Variants in PEDS1 observed in about 807,000 individuals in gnomAD.
PEDS1 encodes plasmanylethanolamine desaturase 1.
A neutral mutation model predicts 35.2 loss-of-function variants in PEDS1; 14 were observed. The observed-to-expected ratio is 0.40, with a 90% CI of 0.26 to 0.62. PEDS1 has a LOEUF of 0.62. PEDS1 is among the 20% of genes least tolerant of loss of function. PEDS1 has a pLI of 0.44. For synonymous variants in PEDS1, 152 were observed against 152.0 expected (o/e 1.00, Z 0.00); for missense variants, 260 against 367.8 (o/e 0.71, Z 2.40).
At chr20:50,144,188 C>G (rs747651567) in intron 1 of PEDS1, among the ~76,000 whole-genome samples, 1 of 152,228 alleles carries the variant, frequency 6.6e-6, no homozygotes, top group Admixed American at 6.5e-5. Context: ...CTCTGACAGA[C>G]CAATTCTTTG....
At chr20:50,151,533 G>A (rs1427016520) in intron 1 of PEDS1, among the ~76,000 whole-genome samples, 4 of 152,112 alleles carry the variant, frequency 2.6e-5, no homozygotes, top group Non-Finnish European at 5.9e-5. Context: ...GAGGTGAGGC[G>A]GATCCCCCAC....
intron 1 of PEDS1, 45 bp downstream of exon 1, chr20:50,153,472 C>T (rs2081426810): frequency 4.6e-6 from 6 of 1,290,978 alleles, no homozygotes; most frequent in African/African-American, 1.5e-5. Context: ...TGTCCGCAGC[C>T]GGGGCTGGTG....
chr20:50,153,683 CGGCAGGGCCGCGG>C lies in PEDS1; in HGVS notation c.-59_-47del. ...CGGTGCGCTCTGCTGGCGGCGGCGGCGGCAGGGCCGCGGAACCGCGGCGAGATCACGCCGCCCA... is the reference window on the plus strand; with the variant it reads ...CGGTGCGCTCTGCTGGCGGCGGCGGCAACCGCGGCGAGATCACGCCGCCCA... On this transcript the variant is annotated 5_prime_UTR_variant, in exon 1 of 6. Coordinates refer to ENST00000371652, the MANE Select transcript of PEDS1 (RefSeq NM_199129.4). 4 of 1,201,802 alleles carry C rather than the reference CGGCAGGGCCGCGG, an allele frequency of 3.3e-6. No individual in the cohort carries two copies. Among genetic ancestry groups the C allele is most frequent in the Non-Finnish European group, 4.1e-6 (4 of 969,000 alleles). The allele number at this position is 1,201,802 out of a possible 1,614,324, so 74.4% of individuals were successfully genotyped here. A position where few individuals can be genotyped will look rare whatever the true frequency, so the allele number is the denominator to read the frequency against.
At chr20:50,149,899 G>A (rs189052620) in intron 1 of PEDS1, among the ~76,000 whole-genome samples, 4 of 152,246 alleles carry the variant, frequency 2.6e-5, no homozygotes, top group Non-Finnish European at 1.5e-5. Flanking sequence ...CCGGTGCCCC[G>A]CCGTATGACC....
intron 2 of PEDS1, among the ~76,000 whole-genome samples, chr20:50,135,614 C>T (rs951323871): frequency 2.2e-4 from 31 of 143,394 alleles, no homozygotes; most frequent in African/African-American, 6.1e-4. Flanking sequence ...GCTGAGATCA[C>T]GCCATTGCAC....
chr20:50,151,236 G>A (rs2081399468), intron 1 of PEDS1: 3 of 1,304,112 alleles, frequency 2.3e-6, no homozygotes, highest in East Asian at 5.5e-5. Flanking sequence ...GAGATAAAGG[G>A]CCTTGATTGC....
intron 5 of PEDS1, among the ~76,000 whole-genome samples, chr20:50,126,624 G>T (rs1421245796): frequency 2.0e-5 from 3 of 152,200 alleles, no homozygotes; most frequent in Non-Finnish European, 4.4e-5. Context: ...AAGGAGAAAA[G>T]CGGTCCCCAG....
intron 5 of PEDS1, among the ~76,000 whole-genome samples, chr20:50,126,131 G>A (rs558859918): frequency 4.4e-4 from 67 of 152,194 alleles, no homozygotes; most frequent in African/African-American, 1.6e-3. Context: ...CAACTGGAAC[G>A]TTATCCCCAA....
intron 1 of PEDS1, among the ~76,000 whole-genome samples, chr20:50,149,565 G>T (rs1568657849): frequency 6.6e-6 from 1 of 152,108 alleles, no homozygotes; most frequent in East Asian, 1.9e-4. Context: ...CGGCTCCTGG[G>T]TCCTGCAGGA....
At chr20:50,147,004 C>T (rs1335200014) in intron 1 of PEDS1, among the ~76,000 whole-genome samples, 1 of 152,102 alleles carries the variant, frequency 6.6e-6, no homozygotes, top group Non-Finnish European at 1.5e-5. Flanking sequence ...TGGGAGGACA[C>T]GGAGAGGCGG....
chr20:50,150,030 C>T (rs2147309106), intron 1 of PEDS1, among the ~76,000 whole-genome samples: 1 of 152,296 alleles, frequency 6.6e-6, no homozygotes, highest in African/African-American at 2.4e-5. Flanking sequence ...TCCTGCTGGC[C>T]TTCCCATCAG....
chr20:50,145,581 G>A (rs1229542713), intron 1 of PEDS1, among the ~76,000 whole-genome samples: 1 of 152,008 alleles, frequency 6.6e-6, no homozygotes, highest in Non-Finnish European at 1.5e-5. Flanking sequence ...TGTAGTCCCA[G>A]CTACTCGGGA....
chr20:50,136,063 C>T (rs934317286), intron 2 of PEDS1, among the ~76,000 whole-genome samples: 1 of 152,036 alleles, frequency 6.6e-6, no homozygotes, highest in African/African-American at 2.4e-5. Context: ...CATCCACCCT[C>T]ATTTACTTTG....
chr20:50,131,409 G>C (rs937306831), intron 2 of PEDS1, among the ~76,000 whole-genome samples: 1 of 152,106 alleles, frequency 6.6e-6, no homozygotes, highest in South Asian at 2.1e-4. Context: ...ATCACTTGAG[G>C]TCAGGAGTTC....
At chr20:50,137,969 G>C (rs1298389012) in intron 2 of PEDS1, among the ~76,000 whole-genome samples, 1 of 152,178 alleles carries the variant, frequency 6.6e-6, no homozygotes, top group African/African-American at 2.4e-5. Context: ...ACAGAAGAAG[G>C]ACATTAGGGA....
intron 2 of PEDS1, among the ~76,000 whole-genome samples, chr20:50,138,279 G>A (rs769212679): frequency 2.6e-5 from 4 of 152,188 alleles, no homozygotes; most frequent in African/African-American, 7.2e-5. Context: ...ACTCCCCAAG[G>A]TCACACGGTG....
Position 50,128,988 on chromosome 20 carries a change from C to T in PEDS1, c.478+558G>A, listed in dbSNP as rs563512366. 3.9e-5 allele frequency among the ~76,000 whole-genome samples: 6 copies of T among 152,348 alleles called. No individual in the cohort carries two copies. The highest frequency in any genetic ancestry group is 3.9e-4 in the East Asian group (2 of 5,184). Reference sequence around the variant, plus strand: ...ACACGTCCTCACCACCTCTACCCACCGGAGGCTGCCTGAAGAACAAATGGG... The same window carrying T: ...ACACGTCCTCACCACCTCTACCCACTGGAGGCTGCCTGAAGAACAAATGGG... On this transcript the variant is annotated intron_variant, in intron 4 of 5. Coordinates refer to ENST00000371652, the MANE Select transcript of PEDS1 (RefSeq NM_199129.4). The surrounding 1 kb of genome is among the most constrained non-coding windows in gnomAD (Gnocchi z 5.2).
rs887791959 is a variant in PEDS1, at chr20:50,138,916, C to T, written c.241+4586G>A. 5.3e-5 allele frequency among the ~76,000 whole-genome samples: 8 copies of T among 152,174 alleles called. No homozygotes were observed. The East Asian group carries it at 1.5e-3, about 29-fold the overall frequency. On this transcript the variant is annotated intron_variant, in intron 2 of 5. Transcript: ENST00000371652. Reference sequence around the variant, plus strand: ...GGGGAACTTGAGGTAGTCGCTGGGCCCGTGCGGGCTTCCATTTCCCCAGAG... The same window carrying T: ...GGGGAACTTGAGGTAGTCGCTGGGCTCGTGCGGGCTTCCATTTCCCCAGAG...
At chr20:50,152,839 A>G (rs537931469) in intron 1 of PEDS1, among the ~76,000 whole-genome samples, 1 of 151,540 alleles carries the variant, frequency 6.6e-6, no homozygotes, top group South Asian at 2.1e-4. Flanking sequence ...TGGGGCAAGG[A>G]CTGATGCTCA....
Sources: allele counts gnomAD v4.1 joint callset (sites outside exome capture counted in the v4.1 genomes callset), GRCh38; gene constraint gnomAD v4.1.1; non-coding constraint Gnocchi (gnomAD v3.1); transcripts MANE v1.5; gene names NCBI Gene and HGNC (gene_info 2026-07-23, HGNC 2026-07-21).